The following AKAP11 variants were observed in gnomAD, a reference collection of about 807,000 sequenced individuals.
The protein encoded by AKAP11 is A-kinase anchoring protein 11.
AKAP11 carries 36 observed loss-of-function variants against 146.1 expected under a neutral mutation model. The ratio of observed to expected loss-of-function variants is 0.25; its 90% CI spans 0.19 to 0.33. The LOEUF (loss-of-function observed/expected upper bound fraction) is 0.33. AKAP11 is among the 10% of genes least tolerant of loss of function. The pLI, the probability that AKAP11 is intolerant of heterozygous loss-of-function variation, is 1.00. For missense variants in AKAP11, 2,201 were observed against 2,197.0 expected, an observed-to-expected ratio of 1.00 and a Z score of -0.04; for synonymous variants, 780 against 786.5, an observed-to-expected ratio of 0.99 and a Z score of 0.14.
chr13:42,323,153 A>C lies in AKAP11; in HGVS notation c.*3925A>C, dbSNP rs1961155417. 1 of 152,770 alleles carries C rather than the reference A, an allele frequency of 6.5e-6. No individual in the cohort carries two copies. The highest frequency in any genetic ancestry group is 1.5e-5 in the Non-Finnish European group (1 of 68,036). The allele number at this position is 152,770 out of a possible 1,614,324, so 9.5% of individuals were successfully genotyped here. On this transcript the variant is annotated 3_prime_UTR_variant, in exon 13 of 13. Coordinates refer to ENST00000025301, the MANE Select transcript of AKAP11 (RefSeq NM_016248.4). Reference sequence around the variant, plus strand: ...TCAGCAGTGGCTCAAAAAATTTCAGAAATTACTTTTGTAATTATTTGCAAT... The same window carrying C: ...TCAGCAGTGGCTCAAAAAATTTCAGCAATTACTTTTGTAATTATTTGCAAT...
intron 1 of AKAP11, among the ~76,000 whole-genome samples, chr13:42,274,894 C>T (rs577760540): frequency 6.6e-6 from 1 of 152,248 alleles, no homozygotes; most frequent in East Asian, 1.9e-4. Context: ...GGAGTCAGGT[C>T]TATTAATTAA....
chr13:42,317,840 T>A, intron 12 of AKAP11, 152 bp downstream of exon 12: 1 of 830,282 alleles, frequency 1.2e-6, no homozygotes, highest in Non-Finnish European at 1.8e-6. Context: ...TGCCACTTTC[T>A]AGCAGTATAA....
At chr13:42,310,464 A>G (rs1239428499) in intron 9 of AKAP11, among the ~76,000 whole-genome samples, 3 of 152,230 alleles carry the variant, frequency 2.0e-5, no homozygotes, top group Admixed American at 2.0e-4. Flanking sequence ...TCACTTGAAA[A>G]TATATTGATT....
At chr13:42,277,667 G>T (rs150658244) in intron 1 of AKAP11, among the ~76,000 whole-genome samples, 42 of 152,292 alleles carry the variant, frequency 2.8e-4, no homozygotes, top group African/African-American at 1.0e-3. Flanking sequence ...TGTTGCTTTT[G>T]CCACCAAATG....
At chr13:42,313,389 T>C (rs1463815311) in intron 10 of AKAP11, among the ~76,000 whole-genome samples, 1 of 152,224 alleles carries the variant, frequency 6.6e-6, no homozygotes, top group South Asian at 2.1e-4. Flanking sequence ...CTACCAATTA[T>C]TTCATTCAAA....
chr13:42,306,702 T>G (rs1173551651), intron 8 of AKAP11, among the ~76,000 whole-genome samples: 1 of 152,226 alleles, frequency 6.6e-6, no homozygotes, highest in East Asian at 1.9e-4. Context: ...TCAGATGGAT[T>G]ATTCTTTAAG....
At position 42,321,191 on chromosome 13, in the gene AKAP11, CTT is replaced by C. The variant is rs1454067754; in HGVS notation, c.*1964_*1965del. The C allele has an allele frequency of 2.6e-5, 4 of 152,286 alleles. No homozygotes were observed. The highest frequency in any genetic ancestry group is 7.2e-5 in the African/African-American group (3 of 41,420). 9.4% of individuals were successfully genotyped at this position (152,286 alleles called of 1,614,324 possible). On this transcript the variant is annotated 3_prime_UTR_variant, in exon 13 of 13. Transcript: ENST00000025301. Reference sequence around the variant, plus strand: ...CTAACTATCAAATTGTGTTTAGTAACTTGAGTGTATGCACAAGTTTGATCAAC... The same window carrying C: ...CTAACTATCAAATTGTGTTTAGTAACGAGTGTATGCACAAGTTTGATCAAC...
chr13:42,290,941 T>A (rs1959202527), intron 3 of AKAP11, among the ~76,000 whole-genome samples: 1 of 152,214 alleles, frequency 6.6e-6, no homozygotes, highest in South Asian at 2.1e-4. Context: ...ACTATGCTCA[T>A]TGCCACTGAA....
chr13:42,301,612 T>A lies in AKAP11; in HGVS notation c.2866T>A (p.Ser956Thr), dbSNP rs377180648. Reference protein sequence around the residue: ...IIKHSIDKSKSVIPNIDKNAV... With the variant: ...IIKHSIDKSKTVIPNIDKNAV... ...TAAACATTCCATAGATAAGAGCAAA[T>A]CAGTGATCCCAAATATAGATAAAAA... The change falls in exon 8 of 13, where the codon TCA becomes ACA. Residue 956 changes from serine to threonine, a missense_variant. Transcript: ENST00000025301. 3.7e-6 allele frequency: 6 copies of A among 1,614,062 alleles called. No individual in the cohort carries two copies. Among genetic ancestry groups the A allele is most frequent in the Non-Finnish European group, 5.1e-6 (6 of 1,179,986 alleles).
rs555550516 is a variant in AKAP11, at chr13:42,308,385, G to A, written c.5118-69G>A. On this transcript the variant is annotated intron_variant, in intron 8 of 12. Coordinates refer to ENST00000025301, the MANE Select transcript of AKAP11 (RefSeq NM_016248.4). ...TTTTTATCATCTTTGTCATCAAATT[G>A]ATAGTCTTGTAAGTTCAGAATCTGG... The A allele has an allele frequency of 4.7e-6, 6 of 1,288,676 alleles. No individual in the cohort carries two copies. The Admixed American group carries it at 8.9e-5, about 19-fold the overall frequency. 79.8% of individuals were successfully genotyped at this position (1,288,676 alleles called of 1,614,324 possible). A position where few individuals can be genotyped will look rare whatever the true frequency, so the allele number is the denominator to read the frequency against.
chr13:42,271,554 G>A (rs1321876171), upstream of AKAP11, among the ~76,000 whole-genome samples: 3 of 152,198 alleles, frequency 2.0e-5, no homozygotes, highest in African/African-American at 7.2e-5. Flanking sequence ...TTTGGGAAGG[G>A]CCCCGGGCTT....
Position 42,300,160 on chromosome 13 carries a change from A to G in AKAP11, c.1414A>G (p.Ile472Val). 1 of 1,613,946 alleles carries G rather than the reference A, an allele frequency of 6.2e-7. No homozygotes were observed. Among genetic ancestry groups the G allele is most frequent in the Non-Finnish European group, 8.5e-7 (1 of 1,179,866 alleles). ...AGCTGAATGTTTTTGCCAAACAGAT[A>G]TTGGTGGAGATAGGATTCATGAAAA... ...TPAECFCQTD[I>V]GGDRIHENHD... Residue 472 changes from isoleucine to valine, a missense_variant, in exon 8 of 13, where the codon ATT becomes GTT. Physicochemically the swap from Ile to Val is conservative, Grantham distance 29. Around this residue, in one of 3 missense-constraint regions of AKAP11, gnomAD observed 1,867 missense variants for 1,833.5 expected, o/e 1.02. Transcript: ENST00000025301.
chr13:42,303,576 T>G lies in AKAP11; in HGVS notation c.4830T>G (p.Gly1610=). The G allele has an allele frequency of 6.2e-7, 1 of 1,614,216 alleles. No individual in the cohort carries two copies. Among genetic ancestry groups the G allele is most frequent in the Non-Finnish European group, 8.5e-7 (1 of 1,180,032 alleles). Residue 1610 remains glycine (G), a synonymous_variant, in exon 8 of 13, where the codon GGT becomes GGG. Coordinates refer to ENST00000025301, the MANE Select transcript of AKAP11 (RefSeq NM_016248.4). ...CATCTCAGCACTTTTTCAGACAGGG[T>G]TCTCTCGCCAGTAGTAAGCCAGCTT... ...GNSSQHFFRQ[G]SLASSKPASN...
In AKAP11 at chr13:42,298,813, G is replaced by A; in HGVS notation, c.616+16G>A. The A allele has an allele frequency of 2.0e-6, 3 of 1,536,316 alleles. No individual in the cohort carries two copies. Among genetic ancestry groups the A allele is most frequent in the Non-Finnish European group, 1.7e-6 (2 of 1,155,048 alleles). ...TACAATGATGGTTTGTTTTTCATTA[G>A]ACTTTTTCCTAAAATAGGGAATTAA... On this transcript the variant is annotated intron_variant, in intron 7 of 12. Transcript: ENST00000025301.
chr13:42,273,009 A>G (rs752958392), intron 1 of AKAP11, among the ~76,000 whole-genome samples: 2 of 152,220 alleles, frequency 1.3e-5, no homozygotes, highest in Non-Finnish European at 2.9e-5. Context: ...TTCTAAAACC[A>G]TATAAAGTTG....
At chr13:42,312,378 TAGACAAGTGTA>T (rs1223933306) in intron 9 of AKAP11, among the ~76,000 whole-genome samples, 3 of 152,234 alleles carry the variant, frequency 2.0e-5, no homozygotes, top group Non-Finnish European at 4.4e-5. Flanking sequence ...ACTGGCCAAC[TAGACAAGTGTA>T]ATGCTTGATT....
intron 12 of AKAP11, 78 bp downstream of exon 12, chr13:42,317,766 A>G (rs771711190): frequency 5.5e-6 from 8 of 1,458,294 alleles, no homozygotes; most frequent in South Asian, 2.7e-5. Flanking sequence ...GTCTAACAAG[A>G]TGCCTGGTGA....
chr13:42,320,979 C>T lies in AKAP11; in HGVS notation c.*1751C>T, dbSNP rs1961063796. 6.6e-6 allele frequency: 1 copy of T among 152,260 alleles called. No individual in the cohort carries two copies. Among genetic ancestry groups the T allele is most frequent in the Admixed American group, 6.6e-5 (1 of 15,260 alleles). 9.4% of individuals were successfully genotyped at this position (152,260 alleles called of 1,614,324 possible). ...AATATAAAGTTTCCTAAAGTTTCTTCAAGTATTTTTTAAGGTGGAGAAATG... is the reference window on the plus strand; with the variant it reads ...AATATAAAGTTTCCTAAAGTTTCTTTAAGTATTTTTTAAGGTGGAGAAATG... On this transcript the variant is annotated 3_prime_UTR_variant, in exon 13 of 13. Transcript: ENST00000025301.
At chr13:42,276,874 T>TA (rs764306598) in intron 1 of AKAP11, among the ~76,000 whole-genome samples, 2 of 152,182 alleles carry the variant, frequency 1.3e-5, no homozygotes, top group African/African-American at 4.8e-5. Flanking sequence ...AATATACTCT[T>TA]AGAGTCATGG....
Sources: gnomAD v4.1 joint callset for allele counts (sites outside exome capture counted in the v4.1 genomes callset) on GRCh38, gnomAD v4.1.1 for gene constraint, gnomAD v4.1.1 regional missense constraint, MANE v1.5 for transcripts, NCBI Gene and HGNC (gene_info 2026-07-23, HGNC 2026-07-21) for gene names.